The following CPQ variants were observed in gnomAD, a reference collection of about 807,000 sequenced individuals.
The protein encoded by CPQ is Ser-Met dipeptidase.
In CPQ, 37 loss-of-function variants were observed where a neutral mutation model predicts 45.7. The ratio of observed to expected loss-of-function variants is 0.81; its 90% CI spans 0.62 to 1.07. CPQ has a LOEUF of 1.07. Ranked by LOEUF, CPQ falls within the 50% of genes least tolerant of loss-of-function variation. The pLI is 0.00. For missense variants in CPQ, 537 were observed against 572.9 expected (o/e 0.94, Z 0.64); for synonymous variants, 186 against 205.8 (o/e 0.90, Z 0.82).
chr8:97,047,928 G>T (rs972136805), intron 6 of CPQ, among the ~76,000 whole-genome samples: 1 of 152,140 alleles, frequency 6.6e-6, no homozygotes, highest in Non-Finnish European at 1.5e-5. Flanking sequence ...TTTGAGAGAT[G>T]GAAATAATGC....
At chr8:96,757,354 GATAATAATAATAATAATA>G (rs3036414) in intron 1 of CPQ, among the ~76,000 whole-genome samples, 75 of 139,394 alleles carry the variant, frequency 5.4e-4, no homozygotes, top group African/African-American at 1.4e-3. Flanking sequence ...CCATCTCAAT[GATAATAATAATAATAATA>G]ATAATAATAA....
intron 1 of CPQ, among the ~76,000 whole-genome samples, chr8:96,688,345 G>C (rs556235691): frequency 1.3e-5 from 2 of 151,866 alleles, no homozygotes; most frequent in East Asian, 3.9e-4. Context: ...TTGATTTGTC[G>C]TATTCTTGTG....
At chr8:96,922,029 A>G (rs1381395605) in intron 4 of CPQ, among the ~76,000 whole-genome samples, 1 of 152,184 alleles carries the variant, frequency 6.6e-6, no homozygotes, top group Non-Finnish European at 1.5e-5. Flanking sequence ...TTACTTTAAG[A>G]TATGGAGAAT....
intron 5 of CPQ, among the ~76,000 whole-genome samples, chr8:96,973,969 A>T (rs1010751810): frequency 2.6e-5 from 4 of 152,200 alleles, no homozygotes; most frequent in Non-Finnish European, 4.4e-5. Flanking sequence ...GTGGAAAAAA[A>T]GGTAATCAGG....
At chr8:96,853,226 T>C (rs1259602502) in intron 3 of CPQ, among the ~76,000 whole-genome samples, 1 of 152,184 alleles carries the variant, frequency 6.6e-6, no homozygotes, top group Non-Finnish European at 1.5e-5. Context: ...CATGGGAAGG[T>C]ATTTAGTAGA....
rs574697803 is a variant in CPQ at position 96,656,029 on chromosome 8, A to AT, written c.-35+10633dup. ...GCCACCATGCCTGGCTACTTTTTGT[A>AT]TTTTTTGTAGAGAGGGGTTTCACCA... On this transcript the variant is annotated intron_variant, in intron 1 of 7. Coordinates refer to ENST00000220763, the MANE Select transcript of CPQ (RefSeq NM_016134.4). Among the ~76,000 whole-genome samples the AT allele has an allele frequency of 2.2e-3, 331 of 152,080 alleles. 2 individuals are homozygous for AT. The highest frequency in any genetic ancestry group is 7.6e-3 in the African/African-American group (316 of 41,480).
At chr8:96,826,195 C>T (rs1811377011) in intron 2 of CPQ, among the ~76,000 whole-genome samples, 1 of 152,036 alleles carries the variant, frequency 6.6e-6, no homozygotes, top group South Asian at 2.1e-4. Flanking sequence ...CTGAATTCTT[C>T]AGATTTGTTT....
intron 4 of CPQ, among the ~76,000 whole-genome samples, chr8:96,906,716 G>A (rs897513119): frequency 2.0e-5 from 3 of 152,064 alleles, no homozygotes; most frequent in African/African-American, 7.2e-5. Flanking sequence ...GAAGGGGCAA[G>A]GCAGCTCTCT....
intron 7 of CPQ, among the ~76,000 whole-genome samples, chr8:97,141,449 A>G (rs748675880): frequency 1.3e-5 from 2 of 152,166 alleles, no homozygotes; most frequent in Non-Finnish European, 2.9e-5. Flanking sequence ...TAATCTCACA[A>G]TTAGTTTCTT....
chr8:96,727,651 C>A (rs1405319202), intron 1 of CPQ, among the ~76,000 whole-genome samples: 1 of 151,972 alleles, frequency 6.6e-6, no homozygotes, highest in East Asian at 1.9e-4. Flanking sequence ...TTTTTTTTCT[C>A]ACCTTTGACA....
At chr8:96,769,900 G>T (rs1810518014) in intron 1 of CPQ, among the ~76,000 whole-genome samples, 2 of 152,186 alleles carry the variant, frequency 1.3e-5, no homozygotes, top group East Asian at 1.9e-4. Context: ...GTCCCATCAT[G>T]ATGTAGGTCA....
chr8:97,077,324 A>G (rs1810865514), intron 7 of CPQ, among the ~76,000 whole-genome samples: 1 of 152,204 alleles, frequency 6.6e-6, no homozygotes, highest in Admixed American at 6.5e-5. Flanking sequence ...GTGATATGCA[A>G]TTTACTGGAG....
At chr8:97,063,451 C>A (rs1368439201) in intron 6 of CPQ, among the ~76,000 whole-genome samples, 1 of 152,126 alleles carries the variant, frequency 6.6e-6, no homozygotes, top group Non-Finnish European at 1.5e-5. Context: ...TTGATAGTTT[C>A]TTTTGCTGTA....
chr8:97,106,627 C>T (rs1336819957), intron 7 of CPQ, among the ~76,000 whole-genome samples: 1 of 152,188 alleles, frequency 6.6e-6, no homozygotes, highest in African/African-American at 2.4e-5. Context: ...AAGTACTAGA[C>T]ATCCAAATGG....
chr8:96,972,991 A>G (rs1054864986), intron 5 of CPQ, among the ~76,000 whole-genome samples: 1 of 152,164 alleles, frequency 6.6e-6, no homozygotes, highest in Non-Finnish European at 1.5e-5. Context: ...ACATCCCCCA[A>G]AAGATGATAC....
At chr8:96,778,063 G>A (rs1810639680) in intron 1 of CPQ, among the ~76,000 whole-genome samples, 1 of 151,002 alleles carries the variant, frequency 6.6e-6, no homozygotes, top group Admixed American at 6.6e-5. Flanking sequence ...TTGAATACCG[G>A]TCTTGATTAA....
chr8:96,906,514 A>C (rs1812579681), intron 4 of CPQ, among the ~76,000 whole-genome samples: 1 of 152,176 alleles, frequency 6.6e-6, no homozygotes, highest in Admixed American at 6.6e-5. Context: ...AGCCTGTCTT[A>C]GTCCATTTGT....
At chr8:97,062,730 G>C (rs186615731) in intron 6 of CPQ, among the ~76,000 whole-genome samples, 2 of 152,100 alleles carry the variant, frequency 1.3e-5, no homozygotes, top group Non-Finnish European at 2.9e-5. Context: ...GTGGTATTTG[G>C]TTTTCCATTT....
chr8:96,970,896 A>C (rs1813663338), intron 5 of CPQ, among the ~76,000 whole-genome samples: 1 of 152,192 alleles, frequency 6.6e-6, no homozygotes, highest in African/African-American at 2.4e-5. Flanking sequence ...GTTTTAATGG[A>C]AAAACACTGC....
Sources: gnomAD v4.1 joint callset for allele counts (sites outside exome capture counted in the v4.1 genomes callset) on GRCh38, gnomAD v4.1.1 for gene constraint, MANE v1.5 for transcripts, NCBI Gene and HGNC (gene_info 2026-07-23, HGNC 2026-07-21) for gene names.